Variants in TXNRD2 observed in about 807,000 individuals in gnomAD.
TXNRD2 encodes the protein thioredoxin reductase 2, mitochondrial.
A neutral mutation model predicts 70.8 loss-of-function variants in TXNRD2; 67 were observed. The ratio of observed to expected loss-of-function variants is 0.95; its 90% CI spans 0.78 to 1.16. The LOEUF (loss-of-function observed/expected upper bound fraction) is 1.16. Ranked by LOEUF, TXNRD2 falls within the 50% of genes most tolerant of loss-of-function variation. TXNRD2 has a pLI of 0.00. For synonymous variants in TXNRD2, 301 were observed against 295.8 expected, an observed-to-expected ratio of 1.02 and a Z score of -0.18; for missense variants, 644 against 719.9, an observed-to-expected ratio of 0.89 and a Z score of 1.21.
Position 19,918,971 on chromosome 22 carries a change from T to G in TXNRD2, c.263A>C (p.Asn88Thr), listed in dbSNP as rs1488694093. 1 of 1,612,030 alleles carries G rather than the reference T, an allele frequency of 6.2e-7. No homozygotes were observed. Among genetic ancestry groups the G allele is most frequent in the Non-Finnish European group, 8.5e-7 (1 of 1,179,872 alleles). Residue 88 changes from asparagine (N) to threonine (T), a missense_variant, in exon 4 of 18, where the codon AAC (asparagine) becomes ACC (threonine). By Grantham distance (65) the Asn-to-Thr change is moderately conservative. This residue lies in a region of TXNRD2 where 566 missense variants were observed against 645.0 expected (regional missense o/e 0.88). Coordinates refer to ENST00000400521, the MANE Select transcript of TXNRD2 (RefSeq NM_006440.5). ...CAGCTTCTTGGGGATGCAGCCCACG[T>G]TGACGCAGGTGCCGCCGAGGCCCCA... ...TRWGLGGTCV[N>T]VGCIPKKLMH...
At chr22:19,909,971 CCACACACACCATTCA>C (rs1307787287) in intron 8 of TXNRD2, among the ~76,000 whole-genome samples, 5 of 121,592 alleles carry the variant, frequency 4.1e-5, no homozygotes, top group African/African-American at 1.6e-4. Flanking sequence ...CACACACACA[CCACACACACCATTCA>C]CACACACACA....
At chr22:19,905,532 C>T (rs532807581) in intron 8 of TXNRD2, among the ~76,000 whole-genome samples, 1 of 152,120 alleles carries the variant, frequency 6.6e-6, no homozygotes, top group Non-Finnish European at 1.5e-5. Flanking sequence ...CAGGCCCAAG[C>T]GGGCAGCCTC....
At chr22:19,932,206 C>A in intron 1 of TXNRD2, 1 of 1,316,056 alleles carries the variant, frequency 7.6e-7, no homozygotes, top group Non-Finnish European at 1.1e-6. Flanking sequence ...CAGCCCCTGT[C>A]CCTCACAGCT....
Position 19,931,073 on chromosome 22 carries a change from C to G in TXNRD2, c.129G>C (p.Leu43=). The part of the protein sequence containing the change: ...AAAGQRDYDL[L]VVGGGSGGLA... The stretch of plus-strand genomic sequence containing the variant: ...GGCCACCAGATCCCCCGCCGACCAC[C>G]AGGAGATCATAGTCCCGCTGACCTG... The change falls in exon 2 of 18, where the codon CTG becomes CTC. Residue 43 remains leucine, a synonymous_variant. Transcript: ENST00000400521. 8 of 1,613,666 alleles carry G rather than the reference C, an allele frequency of 5.0e-6. No individual in the cohort carries two copies. The highest frequency in any genetic ancestry group is 6.8e-6 in the Non-Finnish European group (8 of 1,180,008).
At chr22:19,888,183 G>A (rs1232392179) in intron 11 of TXNRD2, among the ~76,000 whole-genome samples, 1 of 152,220 alleles carries the variant, frequency 6.6e-6, no homozygotes, top group Non-Finnish European at 1.5e-5. Context: ...ACGCAGGACA[G>A]CCCATCTCCA....
Position 19,880,173 on chromosome 22 carries a change from C to G in TXNRD2, c.1275+6G>C, listed in dbSNP as rs112654486. On this transcript the variant is annotated splice_donor_region_variant and intron_variant, in intron 14 of 17. Transcript: ENST00000400521. ...TGTCCTCAGCTGTGCTGCTCCCAGGCCTCACCTCAACATGCTCCTGCCCGT... is the reference window on the plus strand; with the variant it reads ...TGTCCTCAGCTGTGCTGCTCCCAGGGCTCACCTCAACATGCTCCTGCCCGT... 5 of 1,612,592 alleles carry G rather than the reference C, an allele frequency of 3.1e-6. No individual in the cohort carries two copies. The highest frequency in any genetic ancestry group is 3.4e-6 in the Non-Finnish European group (4 of 1,179,866).
intron 11 of TXNRD2, among the ~76,000 whole-genome samples, chr22:19,888,377 G>A (rs1351043285): frequency 6.6e-6 from 1 of 152,164 alleles, no homozygotes; most frequent in African/African-American, 2.4e-5. Flanking sequence ...AGTCACCATG[G>A]GTCACTCCCA....
rs561420038 is a variant in TXNRD2 at position 19,939,007 on chromosome 22, T to C, written c.103+2694A>G. Among the ~76,000 whole-genome samples the C allele has an allele frequency of 3.6e-3, 546 of 152,308 alleles. 3 individuals carry two copies. Among genetic ancestry groups the C allele is most frequent in the Non-Finnish European group, 5.2e-3 (354 of 68,028 alleles). Reference sequence around the variant, plus strand: ...CTCCCTAAACGAAGGCAAGCCAGTGTCATGGAAAAACTCCCAAACCAATAC... The same window carrying C: ...CTCCCTAAACGAAGGCAAGCCAGTGCCATGGAAAAACTCCCAAACCAATAC... On this transcript the variant is annotated intron_variant, in intron 1 of 17. Transcript: ENST00000400521.
intron 2 of TXNRD2, among the ~76,000 whole-genome samples, chr22:19,930,664 G>T (rs1340807055): frequency 1.3e-5 from 2 of 152,204 alleles, no homozygotes; most frequent in Non-Finnish European, 2.9e-5. Flanking sequence ...GGCAGGCAGG[G>T]TGACAGCCAC....
At chr22:19,888,661 G>C (rs1025715807) in intron 11 of TXNRD2, among the ~76,000 whole-genome samples, 1 of 152,160 alleles carries the variant, frequency 6.6e-6, no homozygotes, top group Non-Finnish European at 1.5e-5. Context: ...GGAGGCTCCA[G>C]GGCCGGTGGG....
chr22:19,911,335 G>A lies in TXNRD2; in HGVS notation c.662+42C>T, dbSNP rs776612629. The A allele has an allele frequency of 2.5e-5, 38 of 1,520,722 alleles. No homozygotes were observed. The South Asian group carries it at 4.3e-4, about 17-fold the overall frequency. 94.2% of individuals were successfully genotyped at this position (1,520,722 alleles called of 1,614,324 possible). The stretch of plus-strand genomic sequence containing the variant: ...CTCTAAGGGTCCAGTGCTCACTCTG[G>A]TGAACAAAAAGAGGACCCCACCAAG... On this transcript the variant is annotated intron_variant, in intron 8 of 17. Coordinates refer to ENST00000400521, the MANE Select transcript of TXNRD2 (RefSeq NM_006440.5).
intron 11 of TXNRD2, among the ~76,000 whole-genome samples, chr22:19,893,236 G>A (rs1254485965): frequency 6.6e-6 from 1 of 152,216 alleles, no homozygotes; most frequent in Non-Finnish European, 1.5e-5. Context: ...TGATCTGAGA[G>A]GGACCCTGGC....
In TXNRD2 at chr22:19,915,795, C is replaced by T. The variant is rs748103066; in HGVS notation, c.498G>A (p.Thr166=). The change falls in exon 6 of 18, where the codon ACG becomes ACA. Residue 166 remains threonine, a synonymous_variant. Coordinates refer to ENST00000400521, the MANE Select transcript of TXNRD2 (RefSeq NM_006440.5). ...TCCCACCTTTGGCAACGCCGCAAAC[C>T]GTGTGCTCGTCAACAAAGCTGGCTT... ...NIKASFVDEH[T]VCGVAKGGKE... 8 of 1,614,240 alleles carry T rather than the reference C, an allele frequency of 5.0e-6. No individual in the cohort carries two copies. Among genetic ancestry groups the T allele is most frequent in the Non-Finnish European group, 6.8e-6 (8 of 1,180,038 alleles).
Position 19,885,139 on chromosome 22 carries a change from T to C in TXNRD2, c.950-1678A>G, listed in dbSNP as rs113439628. On this transcript the variant is annotated intron_variant, in intron 11 of 17. Transcript: ENST00000400521. ...TTCATAGCCGAACAGCCAGCAGAGG[T>C]CCCTTTCTCCCCTAACTCAGATGGG... 8.9e-3 allele frequency among the ~76,000 whole-genome samples: 1,349 copies of C among 152,038 alleles called. 19 individuals carry two copies. The highest frequency in any genetic ancestry group is 0.031 in the African/African-American group (1,281 of 41,458).
At chr22:19,905,210 A>C (rs1204383827) in intron 8 of TXNRD2, among the ~76,000 whole-genome samples, 1 of 152,248 alleles carries the variant, frequency 6.6e-6, no homozygotes, top group Admixed American at 6.5e-5. Context: ...TTTTAAAAAA[A>C]CCATTTCCTC....
chr22:19,936,512 C>T (rs561770498), intron 1 of TXNRD2, among the ~76,000 whole-genome samples: 10 of 152,220 alleles, frequency 6.6e-5, no homozygotes, highest in Middle Eastern at 6.8e-3. Context: ...TCTTTGCCTC[C>T]GGAGCCATCC....
At chr22:19,939,896 C>T (rs1198573046) in intron 1 of TXNRD2, among the ~76,000 whole-genome samples, 2 of 152,018 alleles carry the variant, frequency 1.3e-5, no homozygotes, top group Non-Finnish European at 2.9e-5. Flanking sequence ...TTTTGAGGGC[C>T]CATCTAAAAC....
chr22:19,914,470 T>G (rs566858246), intron 7 of TXNRD2, among the ~76,000 whole-genome samples: 1 of 152,358 alleles, frequency 6.6e-6, no homozygotes, highest in South Asian at 2.1e-4. Context: ...GAGGATGTTA[T>G]GCTCAGTGAA....
At chr22:19,935,681 T>C (rs1022941418) in intron 1 of TXNRD2, among the ~76,000 whole-genome samples, 1 of 152,176 alleles carries the variant, frequency 6.6e-6, no homozygotes, top group Admixed American at 6.5e-5. Flanking sequence ...GTAAAATTCC[T>C]CTTTGTACTC....
Sources: gnomAD v4.1 joint callset for allele counts (sites outside exome capture counted in the v4.1 genomes callset) on GRCh38, gnomAD v4.1.1 for gene constraint, gnomAD v4.1.1 regional missense constraint, MANE v1.5 for transcripts, NCBI Gene and HGNC (gene_info 2026-07-23, HGNC 2026-07-21) for gene names.